SCARA5: variants seen among roughly 807,000 people sequenced by gnomAD.
SCARA5 encodes the protein scavenger receptor class A member 5, also known as scavenger receptor class A, member 5 (putative).
A neutral mutation model predicts 46.3 loss-of-function variants in SCARA5; 45 were observed. That is an observed-to-expected ratio of 0.97 (90% CI 0.76 to 1.24). The LOEUF (loss-of-function observed/expected upper bound fraction) is 1.24, where lower values mean the gene tolerates loss of function less well. SCARA5 is among the 50% of genes most tolerant of loss of function. The pLI, the probability that SCARA5 is intolerant of heterozygous loss-of-function variation, is 0.00. For missense variants in SCARA5, 680 were observed against 689.0 expected (o/e 0.99, Z 0.15); for synonymous variants, 333 against 306.5 (o/e 1.09, Z -0.90).
chr8:27,892,627 T>TC (rs1440963316), intron 7 of SCARA5, among the ~76,000 whole-genome samples: 21 of 144,370 alleles, frequency 1.5e-4, no homozygotes, highest in African/African-American at 4.2e-4. Flanking sequence ...TTTTTTTTTT[T>TC]GAGACGGAGT....
chr8:27,962,687 G>A (rs1466901035), intron 3 of SCARA5, among the ~76,000 whole-genome samples: 1 of 152,204 alleles, frequency 6.6e-6, no homozygotes, highest in Non-Finnish European at 1.5e-5. Flanking sequence ...ACTCTCCGCA[G>A]GCCAAGCCTT....
intron 3 of SCARA5, among the ~76,000 whole-genome samples, chr8:27,952,788 G>A (rs10106182): frequency 0.014 from 2,096 of 152,282 alleles, 53 homozygotes; most frequent in African/African-American, 0.047. Context: ...AACACTGTGA[G>A]ACAGAGTGGA....
rs7008473 is a variant in SCARA5 at position 27,940,246 on chromosome 8, A to C, written c.242-18001T>G. Among the ~76,000 whole-genome samples, 790 of 152,312 alleles carry C rather than the reference A, an allele frequency of 5.2e-3. 6 individuals are homozygous for C. Among genetic ancestry groups the C allele is most frequent in the Middle Eastern group, 0.027 (8 of 294 alleles). ...GAGGCTGGAAATTATTCTCACGAGT[A>C]AGCATGTGAGAAATCTGAGTCCCAC... is the stretch of plus-strand genomic sequence containing the variant. On this transcript the variant is annotated intron_variant, in intron 3 of 8. Transcript: ENST00000354914.
At chr8:27,909,801 T>A in intron 4 of SCARA5, 58 bp from the exon 5 acceptor site, 2 of 1,225,276 alleles carry the variant, frequency 1.6e-6, no homozygotes, top group Admixed American at 2.0e-5. Context: ...CAGGACCAGG[T>A]CATCTGTAGA....
At chr8:27,899,091 C>T (rs933017199) in intron 7 of SCARA5, among the ~76,000 whole-genome samples, 4 of 152,188 alleles carry the variant, frequency 2.6e-5, no homozygotes, top group South Asian at 4.1e-4. Flanking sequence ...ATCAAACCCA[C>T]GGAGGGGGTC....
At chr8:27,987,662 G>A (rs1366122393) in intron 1 of SCARA5, 32 bp from the exon 2 acceptor site, 11 of 1,305,524 alleles carry the variant, frequency 8.4e-6, no homozygotes, top group Admixed American at 1.7e-5. Flanking sequence ...AGGAGAGGGA[G>A]GACGAAGGCC....
intron 3 of SCARA5, among the ~76,000 whole-genome samples, chr8:27,965,011 C>G (rs1808346873): frequency 6.6e-6 from 1 of 152,182 alleles, no homozygotes; most frequent in Non-Finnish European, 1.5e-5. Flanking sequence ...TGTTCAAATC[C>G]TCCTCTGGCC....
chr8:27,910,385 T>A (rs957907576), intron 4 of SCARA5: 1 of 152,198 alleles, frequency 6.6e-6, no homozygotes, highest in African/African-American at 2.4e-5. Context: ...GAGGGAACAA[T>A]CCCTACAAAG....
chr8:27,893,242 C>A (rs1421298024), intron 7 of SCARA5, among the ~76,000 whole-genome samples: 2 of 152,158 alleles, frequency 1.3e-5, no homozygotes, highest in East Asian at 3.9e-4. Context: ...ACCAGGGCAT[C>A]CGTGAGGCAG....
intron 3 of SCARA5, among the ~76,000 whole-genome samples, chr8:27,944,708 A>G (rs2129880944): frequency 6.6e-6 from 1 of 150,854 alleles, no homozygotes; most frequent in South Asian, 2.1e-4. Flanking sequence ...AAAAATAGAA[A>G]AAAAAAAAAA....
At chr8:27,924,886 A>T (rs1807656605) in intron 3 of SCARA5, among the ~76,000 whole-genome samples, 1 of 152,180 alleles carries the variant, frequency 6.6e-6, no homozygotes, top group Admixed American at 6.5e-5. Context: ...TCCCATTCAC[A>T]ATTGCTACAA....
intron 4 of SCARA5, among the ~76,000 whole-genome samples, chr8:27,910,963 G>A (rs1585482283): frequency 2.0e-5 from 3 of 152,270 alleles, no homozygotes; most frequent in Middle Eastern, 3.4e-3. Flanking sequence ...GAGTGAGTGA[G>A]GCAGCTGTTG....
chr8:27,931,542 T>C (rs1012232027), intron 3 of SCARA5, among the ~76,000 whole-genome samples: 16 of 152,158 alleles, frequency 1.1e-4, no homozygotes, highest in African/African-American at 3.9e-4. Context: ...CCTATAAGTA[T>C]CTTGACTCTG....
Position 27,891,530 on chromosome 8 carries a change from G to T in SCARA5, c.1154-11764C>A, listed in dbSNP as rs371420384. On this transcript the variant is annotated intron_variant, in intron 7 of 8. Coordinates refer to ENST00000354914, the MANE Select transcript of SCARA5 (RefSeq NM_173833.6). ...ACTAATATAGTTTCTAATAGCTCAA[G>T]ATTCCGCTCCTAGGATGATCTGGAC... 6.6e-5 allele frequency among the ~76,000 whole-genome samples: 10 copies of T among 152,262 alleles called. No homozygotes were observed. In the East Asian group the frequency reaches 1.9e-3, roughly 29 times the overall value.
intron 1 of SCARA5, among the ~76,000 whole-genome samples, chr8:27,990,121 C>T (rs1188848760): frequency 6.6e-6 from 1 of 152,198 alleles, no homozygotes; most frequent in East Asian, 1.9e-4. Context: ...GAATGCACGG[C>T]TTGTTAGCCA....
At chr8:27,914,969 G>A (rs1345125813) in intron 4 of SCARA5, among the ~76,000 whole-genome samples, 1 of 152,192 alleles carries the variant, frequency 6.6e-6, no homozygotes, top group African/African-American at 2.4e-5. Flanking sequence ...ACCTGTGTGG[G>A]CTGGAATCCA....
intron 7 of SCARA5, among the ~76,000 whole-genome samples, chr8:27,903,931 A>G (rs1807206395): frequency 1.3e-5 from 2 of 152,146 alleles, no homozygotes. Flanking sequence ...AACTAACACC[A>G]CATGCTGGGT....
chr8:27,982,077 G>A lies in SCARA5; in HGVS notation c.112+5427C>T, dbSNP rs144662799. On this transcript the variant is annotated intron_variant, in intron 2 of 8. Coordinates refer to ENST00000354914, the MANE Select transcript of SCARA5 (RefSeq NM_173833.6). ...TGGGGAGGCCGGGCCTGGAGGCAGC[G>A]AGCGGCCCGGCTGCAGGCGTCGGCA... 2.4e-3 allele frequency among the ~76,000 whole-genome samples: 372 copies of A among 152,302 alleles called. 2 individuals carry two copies. The highest frequency in any genetic ancestry group is 8.4e-3 in the African/African-American group (350 of 41,562).
At chr8:27,967,473 T>C (rs965359345) in intron 2 of SCARA5, among the ~76,000 whole-genome samples, 1 of 151,042 alleles carries the variant, frequency 6.6e-6, no homozygotes, top group African/African-American at 2.4e-5. Context: ...AGGGATCCTC[T>C]CCCTGATGTT....
Sources: gnomAD v4.1 joint callset for allele counts (sites outside exome capture counted in the v4.1 genomes callset) on GRCh38, gnomAD v4.1.1 for gene constraint, MANE v1.5 for transcripts, NCBI Gene and HGNC (gene_info 2026-07-23, HGNC 2026-07-21) for gene names.